UTP6: variants seen among roughly 807,000 people sequenced by gnomAD.
UTP6 encodes the protein U3 small nucleolar RNA-associated protein 6 homolog.
In UTP6, 60 loss-of-function variants were observed where a neutral mutation model predicts 96.5. That is an observed-to-expected ratio of 0.62 (90% CI 0.51 to 0.77). The LOEUF (loss-of-function observed/expected upper bound fraction) is 0.77. Ranked by LOEUF, UTP6 falls within the 30% of genes least tolerant of loss-of-function variation. The pLI, the probability that UTP6 is intolerant of heterozygous loss-of-function variation, is 0.00. For synonymous variants in UTP6, 215 were observed against 240.1 expected, an observed-to-expected ratio of 0.90 and a Z score of 0.96; for missense variants, 637 against 706.5, an observed-to-expected ratio of 0.90 and a Z score of 1.12.
rs1423571216 is a variant in UTP6, at chr17:31,886,014, C to G, written c.669G>C (p.Trp223Cys). 4 of 1,613,672 alleles carry G rather than the reference C, an allele frequency of 2.5e-6. No homozygotes were observed. The African/African-American group carries it at 4.0e-5, about 16-fold the overall frequency. Reference protein sequence around the residue: ...SEEILKGELAWIIYKNSVSII... With the variant: ...SEEILKGELACIIYKNSVSII... ...TGCTTACAGAATTTTTGTAGATGAT[C>G]CATGCCAACTCGCCCTTAAGGATTT... Residue 223 changes from tryptophan (W) to cysteine (C), a missense_variant, in exon 9 of 19, where the codon TGG (tryptophan) becomes TGC (cysteine). By Grantham distance (215) the Trp-to-Cys change is radical (BLOSUM62 -2). Transcript: ENST00000261708.
chr17:31,895,559 G>A (rs1009753310), intron 2 of UTP6, among the ~76,000 whole-genome samples: 34 of 151,852 alleles, frequency 2.2e-4, no homozygotes, highest in African/African-American at 8.0e-4. Context: ...TTTGAGACGG[G>A]GTCTCCCTCT....
rs1194928107 is a variant in UTP6 at position 31,873,664 on chromosome 17, A to G, written c.1386+9T>C. On this transcript the variant is annotated intron_variant, in intron 15 of 18. Coordinates refer to ENST00000261708, the MANE Select transcript of UTP6 (RefSeq NM_018428.3). ...CCACACCACAAGACTTGGAACACGG[A>G]GCCTATACCTTAAAGACTGCCTCAG... is the stretch of plus-strand genomic sequence containing the variant. 6.2e-7 allele frequency: 1 copy of G among 1,613,830 alleles called. No homozygotes were observed. Among genetic ancestry groups the G allele is most frequent in the Non-Finnish European group, 8.5e-7 (1 of 1,180,016 alleles).
chr17:31,894,268 CAAAA>C (rs1179270340), intron 4 of UTP6, among the ~76,000 whole-genome samples: 3 of 63,002 alleles, frequency 4.8e-5, no homozygotes, highest in Non-Finnish European at 6.5e-5. Context: ...GACCTTATCT[CAAAA>C]AAAAAAAAAA....
At chr17:31,879,432 G>A (rs1419481946) in intron 11 of UTP6, among the ~76,000 whole-genome samples, 2 of 151,716 alleles carry the variant, frequency 1.3e-5, no homozygotes, top group Admixed American at 6.6e-5. Context: ...CAAGTTGGGA[G>A]GCCGAGGCAT....
At chr17:31,899,559 C>G in intron 2 of UTP6, 87 bp downstream of exon 2, 1 of 966,824 alleles carries the variant, frequency 1.0e-6, no homozygotes, top group Non-Finnish European at 1.5e-6. Flanking sequence ...CACACCACTG[C>G]ACTCCAACCT....
At chr17:31,895,930 C>G (rs1904611278) in intron 2 of UTP6, among the ~76,000 whole-genome samples, 1 of 150,722 alleles carries the variant, frequency 6.6e-6, no homozygotes, top group Non-Finnish European at 1.5e-5. Context: ...ACTTGGGAGG[C>G]TGATCAGGAG....
At chr17:31,880,388 T>C in intron 11 of UTP6, 185 bp downstream of exon 11, 2 of 647,926 alleles carry the variant, frequency 3.1e-6, no homozygotes, top group South Asian at 4.1e-5. Flanking sequence ...GCCACTGAAC[T>C]CCAGCCAGGG....
intron 14 of UTP6, among the ~76,000 whole-genome samples, chr17:31,874,794 T>G (rs922927890): frequency 1.3e-5 from 2 of 151,912 alleles, no homozygotes; most frequent in Admixed American, 6.6e-5. Context: ...TAGTCAGGTG[T>G]GATGGCATGC....
chr17:31,898,271 T>C (rs1251230593), intron 2 of UTP6, among the ~76,000 whole-genome samples: 1 of 152,142 alleles, frequency 6.6e-6, no homozygotes, highest in Non-Finnish European at 1.5e-5. Context: ...GCGTGGTGGC[T>C]CATGCCTGTA....
At position 31,894,536 on chromosome 17, in the gene UTP6, T is replaced by C. The variant is rs543773212; in HGVS notation, c.312+109A>G. 87 of 758,742 alleles carry C rather than the reference T, an allele frequency of 1.1e-4. No individual in the cohort carries two copies. The African/African-American group carries it at 1.5e-3, about 13-fold the overall frequency. The allele number at this position is 758,742 out of a possible 1,614,324, so 47.0% of individuals were successfully genotyped here. On this transcript the variant is annotated intron_variant, in intron 4 of 18. Transcript: ENST00000261708. ...GTAATGATACCATCATTAGAGTAAGTATAAAGATACCCAAGATAAAAATAG... is the reference window on the plus strand; with the variant it reads ...GTAATGATACCATCATTAGAGTAAGCATAAAGATACCCAAGATAAAAATAG...
rs536962911 is a variant in UTP6, at chr17:31,884,525, G to A, written c.704-20C>T. On this transcript the variant is annotated intron_variant, in intron 9 of 18. Transcript: ENST00000261708. Reference sequence around the variant, plus strand: ...CTGCACCTAAATTTAAAAAGCAGGGGAGGGGAAGTTTATTGCCAATAAGAA... The same window carrying A: ...CTGCACCTAAATTTAAAAAGCAGGGAAGGGGAAGTTTATTGCCAATAAGAA... 2 of 1,598,404 alleles carry A rather than the reference G, an allele frequency of 1.3e-6. No homozygotes were observed. The highest frequency in any genetic ancestry group is 1.3e-5 in the African/African-American group (1 of 74,576).
intron 3 of UTP6, 64 bp from the exon 4 acceptor site, chr17:31,894,801 A>G: frequency 1.4e-6 from 2 of 1,415,530 alleles, no homozygotes; most frequent in Non-Finnish European, 2.0e-6. Context: ...CAGCATTCCT[A>G]CTTGACCACT....
chr17:31,863,854 CCAT>C (rs1909666139), intron 18 of UTP6, among the ~76,000 whole-genome samples: 5 of 152,010 alleles, frequency 3.3e-5, no homozygotes, highest in Admixed American at 2.6e-4. Flanking sequence ...AGGCACACCA[CCAT>C]ATTAGGCTAA....
At chr17:31,894,615 C>T in intron 4 of UTP6, 30 bp downstream of exon 4, 1 of 1,482,176 alleles carries the variant, frequency 6.7e-7, no homozygotes, top group East Asian at 2.3e-5. Flanking sequence ...CTTCACATCT[C>T]ATAAAGTTAA....
intron 4 of UTP6, among the ~76,000 whole-genome samples, chr17:31,893,149 T>C (rs1422460746): frequency 6.6e-6 from 1 of 152,130 alleles, no homozygotes; most frequent in Admixed American, 6.6e-5. Context: ...GGCAGACCCC[T>C]GTAATCCCAG....
At chr17:31,872,812 C>CCAACATGAAATTACAAAATTA (rs1279438435) in intron 16 of UTP6, among the ~76,000 whole-genome samples, 1 of 148,082 alleles carries the variant, frequency 6.8e-6, no homozygotes, top group Non-Finnish European at 1.5e-5. Flanking sequence ...ACCAGCCTGG[C>CCAACATGAAATTACAAAATTA]CAACATGATG....
chr17:31,886,063 TAA>T lies in UTP6; in HGVS notation c.622-4_622-3del, dbSNP rs764942662. ...TTCTTCAGAATAATCAGGATTCTCC[TAA>T]AGAGTGTTATATCAAACGTAACTTA... On this transcript the variant is annotated splice_region_variant and splice_polypyrimidine_tract_variant and intron_variant, in intron 8 of 18. Transcript: ENST00000261708. 1.2e-6 allele frequency: 2 copies of T among 1,611,138 alleles called. No individual in the cohort carries two copies. The highest frequency in any genetic ancestry group is 1.1e-5 in the South Asian group (1 of 90,246).
chr17:31,871,959 C>A (rs953867999), intron 16 of UTP6, among the ~76,000 whole-genome samples: 2 of 151,712 alleles, frequency 1.3e-5, no homozygotes, highest in African/African-American at 4.8e-5. Context: ...TTAGGGAGGC[C>A]GAGGCGGGCA....
In UTP6 at chr17:31,884,430, T is replaced by C; in HGVS notation, c.779A>G (p.Tyr260Cys). 1.9e-6 allele frequency: 3 copies of C among 1,610,382 alleles called. No homozygotes were observed. Among genetic ancestry groups the C allele is most frequent in the Non-Finnish European group, 2.5e-6 (3 of 1,178,308 alleles). ...TTCTACTAACTTTACTTACTCATCA[T>C]AAATCTCTTTTTGTAGATCTTTGGC... Reference protein sequence around the residue: ...DFAKDLQKEIYDDLQALHTDD... With the variant: ...DFAKDLQKEICDDLQALHTDD... Residue 260 changes from tyrosine to cysteine, a missense_variant, in exon 10 of 19, where the codon TAT (tyrosine) becomes TGT (cysteine). Tyr to Cys is a radical substitution (Grantham distance 194). Transcript: ENST00000261708.
Sources: gnomAD v4.1 joint callset for allele counts (sites outside exome capture counted in the v4.1 genomes callset) on GRCh38, gnomAD v4.1.1 for gene constraint, MANE v1.5 for transcripts, NCBI Gene and HGNC (gene_info 2026-07-23, HGNC 2026-07-21) for gene names.